The following LRP5 variants were observed in gnomAD, a reference collection of about 807,000 sequenced individuals.
LRP5 encodes the protein low-density lipoprotein receptor-related protein 5.
LRP5 carries 62 observed loss-of-function variants against 154.1 expected under a neutral mutation model. The ratio of observed to expected loss-of-function variants is 0.40; its 90% CI spans 0.33 to 0.50. LRP5 has a LOEUF of 0.50. Ranked by LOEUF, LRP5 falls within the 20% of genes least tolerant of loss-of-function variation. The pLI is 0.55. For missense variants in LRP5, 1,915 were observed against 2,336.7 expected (o/e 0.82, Z 3.72); for synonymous variants, 966 against 1,011.5 (o/e 0.96, Z 0.85).
chr11:68,371,634 G>A (rs950641131), intron 5 of LRP5, among the ~76,000 whole-genome samples: 23 of 152,244 alleles, frequency 1.5e-4, no homozygotes, highest in African/African-American at 4.6e-4. Context: ...TGCGCCCGGC[G>A]GGCATGAATT....
intron 1 of LRP5, among the ~76,000 whole-genome samples, chr11:68,325,761 G>A (rs1467662272): frequency 2.0e-5 from 3 of 152,302 alleles, no homozygotes; most frequent in African/African-American, 7.2e-5. Flanking sequence ...TCCTAGCTCT[G>A]CGGTCTGGGA....
At chr11:68,346,498 A>G (rs1222096943) in intron 1 of LRP5, among the ~76,000 whole-genome samples, 1 of 152,226 alleles carries the variant, frequency 6.6e-6, no homozygotes, top group African/African-American at 2.4e-5. Flanking sequence ...ACCCTCATAG[A>G]GGCTGCAAAT....
intron 13 of LRP5, among the ~76,000 whole-genome samples, chr11:68,421,109 C>T (rs1302993251): frequency 6.6e-6 from 1 of 152,054 alleles, no homozygotes; most frequent in Non-Finnish European, 1.5e-5. Context: ...CACCTGTAGT[C>T]CCAGCTACTT....
chr11:68,393,960 A>G (rs1160049595), intron 7 of LRP5, among the ~76,000 whole-genome samples: 1 of 152,102 alleles, frequency 6.6e-6, no homozygotes, highest in South Asian at 2.1e-4. Flanking sequence ...CCATTTGCGA[A>G]CGAGAAATGA....
the LRP5 span, among the ~76,000 whole-genome samples, chr11:68,303,899 A>G: frequency 2.0e-5 from 3 of 152,390 alleles, no homozygotes; most frequent in South Asian, 6.2e-4. Flanking sequence ...AGTTATATTT[A>G]AAGGTAAAAC....
the LRP5 span, among the ~76,000 whole-genome samples, chr11:68,304,353 T>C: frequency 6.6e-6 from 1 of 152,056 alleles, no homozygotes; most frequent in South Asian, 2.1e-4. Flanking sequence ...GTGTGCAGAG[T>C]GCAAGAGTGA....
At chr11:68,311,107 C>G (rs2098587521), upstream of LRP5, among the ~76,000 whole-genome samples, 1 of 152,160 alleles carries the variant, frequency 6.6e-6, no homozygotes, top group African/African-American at 2.4e-5. Context: ...AGCTGGGAGT[C>G]TGGGTCTCTT....
chr11:68,446,500 C>T lies in LRP5; in HGVS notation c.4553C>T (p.Ser1518Phe). 6.2e-7 allele frequency: 1 copy of T among 1,614,188 alleles called. No individual in the cohort carries two copies. Among genetic ancestry groups the T allele is most frequent in the Non-Finnish European group, 8.5e-7 (1 of 1,180,032 alleles). The change falls in exon 22 of 23, where the codon TCT becomes TTT. Residue 1518 changes from serine (S) to phenylalanine (F), a missense_variant. Physicochemically the swap from Ser to Phe is radical, Grantham distance 155. Transcript: ENST00000294304. ...PSLYNMDMFY[S>F]SNIPATARPY... ...CTGTACAACATGGACATGTTCTACT[C>T]TTCAAACATTCCGGCCACTGCGAGA... is the stretch of plus-strand genomic sequence containing the variant.
chr11:68,444,226 A>G (rs1168975729), intron 21 of LRP5, among the ~76,000 whole-genome samples: 3 of 152,110 alleles, frequency 2.0e-5, no homozygotes, highest in Non-Finnish European at 4.4e-5. Flanking sequence ...CTAAGAATGC[A>G]GGAATAGGCC....
At chr11:68,397,469 C>T (rs185524741) in intron 7 of LRP5, among the ~76,000 whole-genome samples, 1,578 of 152,316 alleles carry the variant, frequency 0.01, 28 homozygotes, top group African/African-American at 0.036. Context: ...GCCCTCTCCC[C>T]TGGAAGCCGG....
At chr11:68,389,092 ATCTACTGAC>A (rs2098644641) in intron 6 of LRP5, among the ~76,000 whole-genome samples, 1 of 152,144 alleles carries the variant, frequency 6.6e-6, no homozygotes, top group Non-Finnish European at 1.5e-5. Flanking sequence ...CAACACTGAC[ATCTACTGAC>A]ATTGGCATCT....
At chr11:68,396,915 G>T (rs1591275907) in intron 7 of LRP5, among the ~76,000 whole-genome samples, 1 of 152,176 alleles carries the variant, frequency 6.6e-6, no homozygotes, top group Non-Finnish European at 1.5e-5. Flanking sequence ...AGTGGTCGTG[G>T]GCTGAGGTCC....
intron 1 of LRP5, among the ~76,000 whole-genome samples, chr11:68,322,127 G>T (rs1291386447): frequency 6.6e-6 from 1 of 152,176 alleles, no homozygotes; most frequent in African/African-American, 2.4e-5. Context: ...GTCTGGATCC[G>T]GGCGTGGCCG....
chr11:68,352,771 C>T (rs933225627), intron 2 of LRP5, among the ~76,000 whole-genome samples: 7 of 121,378 alleles, frequency 5.8e-5, no homozygotes, highest in African/African-American at 1.6e-4. Flanking sequence ...GGGAGGTGCT[C>T]GGTGCTAGGT....
chr11:68,337,900 A>G (rs1039342032), intron 1 of LRP5, among the ~76,000 whole-genome samples: 18 of 151,300 alleles, frequency 1.2e-4, no homozygotes, highest in African/African-American at 4.1e-4. Context: ...ACCTACAGCC[A>G]GGTCTTCTTC....
At position 68,412,725 on chromosome 11, in the gene LRP5, G is replaced by A. The variant is rs2098660322; in HGVS notation, c.2504-964G>A. ...CCTTGGCTTGAGGGCAGACAAGGGA[G>A]GAGAGGGTCACCTGGGCAGCCCTGA... On this transcript the variant is annotated intron_variant, in intron 11 of 22. Transcript: ENST00000294304. Among the ~76,000 whole-genome samples the A allele has an allele frequency of 2.0e-5, 3 of 152,138 alleles. No homozygotes were observed. The South Asian group carries it at 6.2e-4, about 31-fold the overall frequency.
intron 5 of LRP5, among the ~76,000 whole-genome samples, chr11:68,374,863 G>A (rs559155346): frequency 7.9e-5 from 12 of 152,306 alleles, no homozygotes; most frequent in Admixed American, 4.6e-4. Flanking sequence ...CGCTGTCACC[G>A]TGGAGCGGGG....
chr11:68,436,849 C>A, intron 18 of LRP5, 40 bp from the exon 19 acceptor site: 1 of 1,468,408 alleles, frequency 6.8e-7, no homozygotes, highest in Non-Finnish European at 9.5e-7. Context: ...GGCTGGGGGG[C>A]ACCCTCCAGC....
At chr11:68,408,459 A>T (rs7102451) in intron 9 of LRP5, among the ~76,000 whole-genome samples, 99,389 of 151,226 alleles carry the variant, frequency 0.66, 35,236 homozygotes, top group South Asian at 0.83. Context: ...TAGAAAAAAA[A>T]ATATATATAG....
Sources: gnomAD v4.1 joint callset for allele counts (sites outside exome capture counted in the v4.1 genomes callset) on GRCh38, gnomAD v4.1.1 for gene constraint, MANE v1.5 for transcripts, NCBI Gene and HGNC (gene_info 2026-07-23, HGNC 2026-07-21) for gene names.